Variants in ANKRD12 observed in about 807,000 individuals in gnomAD.
The protein encoded by ANKRD12 is ankyrin repeat domain 12.
A neutral mutation model predicts 183.4 loss-of-function variants in ANKRD12; 85 were observed. The observed-to-expected ratio is 0.46, with a 90% confidence interval of 0.39 to 0.56. The LOEUF is 0.56. Among genes scored for constraint, ANKRD12 ranks in the 20% least tolerant of loss-of-function variants. The pLI is 0.00. For missense variants in ANKRD12, 2,405 were observed against 2,357.1 expected, an observed-to-expected ratio of 1.02 and a Z score of -0.42; for synonymous variants, 914 against 800.2, an observed-to-expected ratio of 1.14 and a Z score of -2.40.
At chr18:9,209,190 A>G (rs905423176) in intron 5 of ANKRD12, among the ~76,000 whole-genome samples, 2 of 152,214 alleles carry the variant, frequency 1.3e-5, no homozygotes, top group Admixed American at 6.5e-5. Flanking sequence ...ATAATTGATG[A>G]TGACTTACCA....
chr18:9,203,321 A>G (rs1372136140), intron 3 of ANKRD12, among the ~76,000 whole-genome samples: 2 of 152,108 alleles, frequency 1.3e-5, no homozygotes, highest in Admixed American at 6.5e-5. Flanking sequence ...CTTAGGGGTT[A>G]CTTGTTCTCT....
Position 9,258,376 on chromosome 18 carries a change from T to G in ANKRD12, c.5109T>G (p.Thr1703=). ...SSLENHSQQS[T]QPEMHKYGQL... The stretch of plus-strand genomic sequence containing the variant: ...TGGAAAACCATTCACAGCAGTCAAC[T>G]CAACCAGAAATGCATAAATATGGTC... The change falls in exon 9 of 13, where the codon ACT becomes ACG. Residue 1703 remains threonine, a synonymous_variant. Coordinates refer to ENST00000262126, the MANE Select transcript of ANKRD12 (RefSeq NM_015208.5). 6.2e-7 allele frequency: 1 copy of G among 1,613,700 alleles called. No homozygotes were observed. The highest frequency in any genetic ancestry group is 8.5e-7 in the Non-Finnish European group (1 of 1,179,920).
rs915276848 is a variant in ANKRD12, at chr18:9,285,077, C to T, written c.*3951C>T. On this transcript the variant is annotated 3_prime_UTR_variant, in exon 13 of 13. Transcript: ENST00000262126. ...GCAAAAAATCAGCCGGGTGTGGCCG[C>T]GGGCGCCTGTAGTTCCAGCTACTCG... 1 of 152,234 alleles carries T rather than the reference C, an allele frequency of 6.6e-6. No homozygotes were observed. The highest frequency in any genetic ancestry group is 1.5e-5 in the Non-Finnish European group (1 of 68,190). The allele number at this position is 152,234 out of a possible 1,614,324, so 9.4% of individuals were successfully genotyped here.
Position 9,275,606 on chromosome 18 carries a change from C to T in ANKRD12, c.5846C>T (p.Pro1949Leu). 6.2e-7 allele frequency: 1 copy of T among 1,609,496 alleles called. No homozygotes were observed. The highest frequency in any genetic ancestry group is 8.5e-7 in the Non-Finnish European group (1 of 1,176,592). ...AGAACATTGGCAAATCAAACACTGC[C>T]ATTTAGTGCTTGTACTGTTTTGCTG... ...AARTLANQTL[P>L]FSACTVLLDA... Residue 1949 changes from proline (P) to leucine (L), a missense_variant, in exon 11 of 13, where the codon CCA (proline) becomes CTA (leucine). Around this residue, in one of 7 missense-constraint regions of ANKRD12, gnomAD observed 162 missense variants for 272.2 expected, o/e 0.60. Coordinates refer to ENST00000262126, the MANE Select transcript of ANKRD12 (RefSeq NM_015208.5).
chr18:9,141,326 A>G (rs1014144725), intron 1 of ANKRD12, among the ~76,000 whole-genome samples: 4 of 152,158 alleles, frequency 2.6e-5, no homozygotes, highest in African/African-American at 4.8e-5. Context: ...AGCAAATTCC[A>G]CTTTGCTATT....
chr18:9,172,418 CT>C (rs1163643699), intron 1 of ANKRD12, among the ~76,000 whole-genome samples: 1 of 152,098 alleles, frequency 6.6e-6, no homozygotes, highest in Non-Finnish European at 1.5e-5. Context: ...TTGATCATTC[CT>C]TTTCATTCTT....
intron 2 of ANKRD12, among the ~76,000 whole-genome samples, chr18:9,191,479 G>T (rs1341399179): frequency 1.3e-5 from 2 of 149,060 alleles, no homozygotes; most frequent in Non-Finnish European, 3.0e-5. Context: ...TATCACATAG[G>T]TTTTTTTTTT....
intron 1 of ANKRD12, among the ~76,000 whole-genome samples, chr18:9,172,041 C>T (rs9957287): frequency 1.4e-5 from 2 of 143,340 alleles, no homozygotes; most frequent in Non-Finnish European, 3.1e-5. Flanking sequence ...AAAAAAAAAA[C>T]GAATGTTGAA....
At chr18:9,239,444 C>G (rs1408046848) in intron 8 of ANKRD12, 2 of 1,009,650 alleles carry the variant, frequency 2.0e-6, no homozygotes, top group South Asian at 1.4e-5. Context: ...TTGATTGTTT[C>G]ATGTGTTCAT....
intron 8 of ANKRD12, among the ~76,000 whole-genome samples, chr18:9,234,237 C>T (rs534859334): frequency 9.2e-5 from 14 of 152,300 alleles, no homozygotes; most frequent in African/African-American, 3.1e-4. Context: ...CCCAGCCTCC[C>T]GTGGTAGCAG....
chr18:9,161,156 C>A (rs1238520333), intron 1 of ANKRD12, among the ~76,000 whole-genome samples: 1 of 151,862 alleles, frequency 6.6e-6, no homozygotes, highest in Non-Finnish European at 1.5e-5. Flanking sequence ...CTCCTGCTTA[C>A]CTTAGTTCAG....
intron 1 of ANKRD12, among the ~76,000 whole-genome samples, chr18:9,143,468 G>A (rs928572535): frequency 1.3e-5 from 2 of 151,914 alleles, no homozygotes; most frequent in Non-Finnish European, 2.9e-5. Context: ...TTTTTGTTTT[G>A]TTTTGTTTTT....
At chr18:9,263,231 A>C (rs1567991478) in intron 9 of ANKRD12, among the ~76,000 whole-genome samples, 2 of 152,212 alleles carry the variant, frequency 1.3e-5, no homozygotes, top group Non-Finnish European at 2.9e-5. Flanking sequence ...CAAATTAGAG[A>C]TGAACCAGAA....
chr18:9,280,845 G>T, intron 12 of ANKRD12, 96 bp from the exon 13 acceptor site: 1 of 1,099,268 alleles, frequency 9.1e-7, no homozygotes. Context: ...CTCCTGATGT[G>T]TCCATTTTAG....
At chr18:9,229,878 T>C (rs59018067) in intron 8 of ANKRD12, among the ~76,000 whole-genome samples, 9,648 of 152,226 alleles carry the variant, frequency 0.063, 330 homozygotes, top group Non-Finnish European at 0.079. Flanking sequence ...TGCTAATATT[T>C]TGTTGAGGAT....
intron 8 of ANKRD12, among the ~76,000 whole-genome samples, chr18:9,223,208 C>T (rs1402049708): frequency 6.6e-6 from 1 of 151,602 alleles, no homozygotes; most frequent in Non-Finnish European, 1.5e-5. Flanking sequence ...TCACTTGAGG[C>T]CGAGAGTTCA....
At chr18:9,250,417 C>T (rs2038221209) in intron 8 of ANKRD12, among the ~76,000 whole-genome samples, 3 of 151,974 alleles carry the variant, frequency 2.0e-5, no homozygotes, top group Admixed American at 6.6e-5. Context: ...AGAGAGAAAA[C>T]GGATTTAAGA....
intron 1 of ANKRD12, among the ~76,000 whole-genome samples, chr18:9,150,405 T>C (rs1300798740): frequency 6.6e-6 from 1 of 152,212 alleles, no homozygotes; most frequent in Non-Finnish European, 1.5e-5. Flanking sequence ...ATCTATGTTA[T>C]TATTTTAAAA....
intron 12 of ANKRD12, among the ~76,000 whole-genome samples, chr18:9,279,921 C>A (rs192305971): frequency 6.6e-6 from 1 of 151,950 alleles, no homozygotes; most frequent in Non-Finnish European, 1.5e-5. Flanking sequence ...TTGAACATAA[C>A]GAAAGAATAG....
Sources: allele counts gnomAD v4.1 joint callset (sites outside exome capture counted in the v4.1 genomes callset), GRCh38; gene constraint gnomAD v4.1.1; regional missense constraint gnomAD v4.1.1; transcripts MANE v1.5; gene names NCBI Gene and HGNC (gene_info 2026-07-23, HGNC 2026-07-21).